Variants in LRMDA observed in about 807,000 individuals in gnomAD.
LRMDA encodes the protein leucine rich melanocyte differentiation associated.
In LRMDA, 18 loss-of-function variants were observed where a neutral mutation model predicts 29.8. That is an observed-to-expected ratio of 0.60 (90% CI 0.42 to 0.90). The LOEUF (loss-of-function observed/expected upper bound fraction) is 0.90, where lower values mean the gene tolerates loss of function less well. LRMDA is among the 40% of genes least tolerant of loss of function. The probability of loss-of-function intolerance (pLI) is 0.00; values close to 1 mark genes in which losing one functional copy is unlikely to be tolerated. For synonymous variants in LRMDA, 125 were observed against 109.4 expected (o/e 1.14, Z -0.89); for missense variants, 273 against 273.9 (o/e 1.00, Z 0.02).
At chr10:76,385,452 C>A (rs907195438) in intron 6 of LRMDA, among the ~76,000 whole-genome samples, 11 of 152,098 alleles carry the variant, frequency 7.2e-5, no homozygotes, top group African/African-American at 2.4e-4. Context: ...CAGAGAGGGG[C>A]CTTAGTGAAG....
At chr10:75,709,133 GAACAT>G (rs1038995542) in intron 2 of LRMDA, among the ~76,000 whole-genome samples, 12 of 151,896 alleles carry the variant, frequency 7.9e-5, no homozygotes, top group African/African-American at 2.9e-4. Context: ...ACTTTTAACT[GAACAT>G]AACAATTCTA....
At chr10:75,653,072 C>G (rs544552398) in intron 2 of LRMDA, among the ~76,000 whole-genome samples, 6 of 152,138 alleles carry the variant, frequency 3.9e-5, no homozygotes, top group Non-Finnish European at 7.3e-5. Context: ...TTTCTGAGAC[C>G]CACTCTGGCT....
At chr10:76,299,601 TTC>T (rs1491012512) in intron 5 of LRMDA, among the ~76,000 whole-genome samples, 19,935 of 117,092 alleles carry the variant, frequency 0.17, 1,241 homozygotes, top group African/African-American at 0.23. Flanking sequence ...CCCCCTTCCT[TTC>T]TTTTTTTTTT....
intron 6 of LRMDA, among the ~76,000 whole-genome samples, chr10:76,468,592 G>A (rs1163806640): frequency 6.6e-6 from 1 of 152,206 alleles, no homozygotes; most frequent in Non-Finnish European, 1.5e-5. Flanking sequence ...CATGAGGGAT[G>A]ATTCAGCAGG....
At chr10:75,667,012 G>T (rs1841830343) in intron 2 of LRMDA, among the ~76,000 whole-genome samples, 1 of 152,152 alleles carries the variant, frequency 6.6e-6, no homozygotes, top group Non-Finnish European at 1.5e-5. Flanking sequence ...AGAGGGTGGC[G>T]TGTATGGGTG....
intron 5 of LRMDA, among the ~76,000 whole-genome samples, chr10:76,105,159 C>CA (rs1295979916): frequency 5.9e-5 from 9 of 152,182 alleles, no homozygotes; most frequent in Admixed American, 5.9e-4. Flanking sequence ...TTTTCCAGAA[C>CA]ACTTACCACG....
rs560817417 is a variant in LRMDA at position 75,964,910 on chromosome 10, G to A, written c.132-71098G>A. ...CTCCCAAGTAGCTGGGATTACAGGT[G>A]TGTGCCACCACACCTGGCTAATTTT... On this transcript the variant is annotated intron_variant, in intron 2 of 6. Transcript: ENST00000611255. Among the ~76,000 whole-genome samples, 23 of 152,266 alleles carry A rather than the reference G, an allele frequency of 1.5e-4. 2 individuals carry two copies. Among genetic ancestry groups the A allele is most frequent in the African/African-American group, 5.1e-4 (21 of 41,546 alleles).
At chr10:76,509,800 C>T (rs1206637869) in intron 6 of LRMDA, among the ~76,000 whole-genome samples, 4 of 152,122 alleles carry the variant, frequency 2.6e-5, no homozygotes, top group Non-Finnish European at 5.9e-5. Context: ...ACTGTAAGCG[C>T]AGGGCAGGCA....
intron 6 of LRMDA, among the ~76,000 whole-genome samples, chr10:76,478,179 T>G (rs1243744859): frequency 2.0e-5 from 3 of 152,030 alleles, no homozygotes; most frequent in Admixed American, 6.6e-5. Flanking sequence ...ATCCAGAATC[T>G]ACAATGAACT....
intron 2 of LRMDA, among the ~76,000 whole-genome samples, chr10:75,917,685 A>G (rs1845958019): frequency 6.6e-6 from 1 of 152,226 alleles, no homozygotes; most frequent in Non-Finnish European, 1.5e-5. Context: ...TGGTGCAATG[A>G]GTTCTTTATA....
chr10:76,536,166 G>A (rs1907312), intron 6 of LRMDA, among the ~76,000 whole-genome samples: 60,754 of 151,930 alleles, frequency 0.4, 13,068 homozygotes, highest in African/African-American at 0.51. Context: ...TCTCCTATAC[G>A]TAAGGGCATT....
intron 2 of LRMDA, among the ~76,000 whole-genome samples, chr10:75,453,055 C>T (rs74147489): frequency 0.045 from 6,869 of 152,124 alleles, 496 homozygotes; most frequent in African/African-American, 0.16. Context: ...GGTAATGTTA[C>T]CTGGAACTTC....
At chr10:76,315,797 A>T (rs1840689300) in intron 5 of LRMDA, among the ~76,000 whole-genome samples, 2 of 151,908 alleles carry the variant, frequency 1.3e-5, no homozygotes, top group Admixed American at 6.6e-5. Flanking sequence ...TGCCGGGTGG[A>T]GTCCCCCTCC....
chr10:76,001,157 C>G (rs1168214566), intron 2 of LRMDA, among the ~76,000 whole-genome samples: 1 of 152,190 alleles, frequency 6.6e-6, no homozygotes, highest in Admixed American at 6.5e-5. Flanking sequence ...TTCGCATTGT[C>G]TGGTTGTTCT....
chr10:76,458,178 A>G (rs1842477315), intron 6 of LRMDA, among the ~76,000 whole-genome samples: 1 of 141,874 alleles, frequency 7.0e-6, no homozygotes, highest in Admixed American at 7.1e-5. Context: ...CCTGTTTTGT[A>G]TATATTTGCA....
chr10:75,599,704 G>GTAGCCAC (rs1349318124), intron 2 of LRMDA, among the ~76,000 whole-genome samples: 1 of 152,152 alleles, frequency 6.6e-6, no homozygotes, highest in African/African-American at 2.4e-5. Flanking sequence ...GTCCAATATG[G>GTAGCCAC]TAGCCACTAG....
intron 2 of LRMDA, among the ~76,000 whole-genome samples, chr10:75,622,465 A>G (rs1173740807): frequency 1.3e-5 from 2 of 152,110 alleles, no homozygotes; most frequent in African/African-American, 4.8e-5. Context: ...AGCCTTATCT[A>G]CCGTTTTTAC....
chr10:76,303,719 T>TC, intron 5 of LRMDA, among the ~76,000 whole-genome samples: 1 of 151,682 alleles, frequency 6.6e-6, no homozygotes, highest in East Asian at 1.9e-4. Flanking sequence ...CCACTCTTTT[T>TC]TTTTTTTTTT....
At chr10:75,660,413 G>T (rs996510064) in intron 2 of LRMDA, among the ~76,000 whole-genome samples, 1 of 152,156 alleles carries the variant, frequency 6.6e-6, no homozygotes. Context: ...GGCGCCTGCC[G>T]GACGGCTCTG....
Sources: allele counts gnomAD v4.1 joint callset (sites outside exome capture counted in the v4.1 genomes callset), GRCh38; gene constraint gnomAD v4.1.1; transcripts MANE v1.5; gene names NCBI Gene and HGNC (gene_info 2026-07-23, HGNC 2026-07-21).